NUP93: variants seen among roughly 807,000 people sequenced by gnomAD.
The protein encoded by NUP93 is nuclear pore complex protein Nup93.
Under a neutral mutation model 107.8 loss-of-function variants are expected in NUP93, and 55 were observed. The ratio of observed to expected loss-of-function variants is 0.51; its 90% confidence interval spans 0.41 to 0.64. The LOEUF is 0.64. NUP93 is among the 30% of genes least tolerant of loss of function. The pLI, the probability that NUP93 is intolerant of heterozygous loss-of-function variation, is 0.00. For synonymous variants in NUP93, 390 were observed against 397.5 expected, an observed-to-expected ratio of 0.98 and a Z score of 0.22; for missense variants, 937 against 1,044.7, an observed-to-expected ratio of 0.90 and a Z score of 1.42.
At chr16:56,782,329 T>G (rs1263449146) in intron 3 of NUP93, 18 of 535,202 alleles carry the variant, frequency 3.4e-5, no homozygotes, top group Non-Finnish European at 4.3e-5. Flanking sequence ...TTTGAAAATT[T>G]GAGATAAATT....
chr16:56,788,830 A>G (rs1289968412), intron 3 of NUP93, among the ~76,000 whole-genome samples: 1 of 152,180 alleles, frequency 6.6e-6, no homozygotes, highest in Admixed American at 6.5e-5. Context: ...TTGTGTTGAC[A>G]AGGGAGATGT....
chr16:56,793,177 C>T (rs1413170959), intron 3 of NUP93, among the ~76,000 whole-genome samples: 1 of 152,166 alleles, frequency 6.6e-6, no homozygotes. Context: ...ATTTGAGGAG[C>T]CAGTCAGGCA....
At chr16:56,779,799 C>G (rs373663373) in intron 3 of NUP93, among the ~76,000 whole-genome samples, 1 of 152,178 alleles carries the variant, frequency 6.6e-6, no homozygotes, top group Non-Finnish European at 1.5e-5. Context: ...AACGTCTTAA[C>G]AGTGACTTGG....
At chr16:56,738,023 T>G (rs574427262) in intron 1 of NUP93, among the ~76,000 whole-genome samples, 19 of 152,358 alleles carry the variant, frequency 1.2e-4, no homozygotes, top group African/African-American at 4.6e-4. Flanking sequence ...AAGACAGAAC[T>G]AGTATCATTC....
In NUP93 at chr16:56,830,590, C is replaced by A. The variant is rs201285651; in HGVS notation, c.990C>A (p.Asp330Glu). ...ALIYYCMRCG[D>E]LLAASQVVNR... is the part of the protein sequence containing the mutation. ...TTTACTACTGCATGCGCTGTGGAGA[C>A]CTGCTTGCCGCTTCACAGGTAGTTA... The change falls in exon 10 of 22, where the codon GAC becomes GAA. Residue 330 changes from aspartate (D) to glutamate (E), a missense_variant. By Grantham distance (45) the Asp-to-Glu change is conservative. Transcript: ENST00000308159. 3.8e-5 allele frequency: 62 copies of A among 1,611,102 alleles called. No homozygotes were observed. Among genetic ancestry groups the A allele is most frequent in the Non-Finnish European group, 4.8e-5 (56 of 1,177,492 alleles).
At position 56,788,729 on chromosome 16, in the gene NUP93, C is replaced by T. The variant is rs186289578; in HGVS notation, c.298-9747C>T. On this transcript the variant is annotated intron_variant, in intron 3 of 21. Coordinates refer to ENST00000308159, the MANE Select transcript of NUP93 (RefSeq NM_014669.5). ...GAATGCCCTTAACCTTGGCCTTCCT[C>T]CCCAAGTGCAGCAACAGATGCGCTA... is the stretch of plus-strand genomic sequence containing the variant. Among the ~76,000 whole-genome samples the T allele has an allele frequency of 1.3e-4, 20 of 152,310 alleles. No homozygotes were observed. The East Asian group carries it at 2.9e-3, about 22-fold the overall frequency.
intron 3 of NUP93, among the ~76,000 whole-genome samples, chr16:56,788,810 T>C (rs1200909721): frequency 6.6e-6 from 1 of 152,180 alleles, no homozygotes; most frequent in Non-Finnish European, 1.5e-5. Context: ...CTAGTAGTTA[T>C]GTGCCTACAT....
chr16:56,815,892 GCT>G (rs1963415716), intron 5 of NUP93, among the ~76,000 whole-genome samples: 6 of 138,904 alleles, frequency 4.3e-5, no homozygotes, highest in East Asian at 2.0e-4. Flanking sequence ...TGCTGCTGCT[GCT>G]GCTGGTGCTG....
At chr16:56,824,210 A>C (rs1228380559) in intron 8 of NUP93, among the ~76,000 whole-genome samples, 2 of 152,060 alleles carry the variant, frequency 1.3e-5, no homozygotes, top group African/African-American at 4.8e-5. Context: ...TCCACATTTT[A>C]ATTTTACTCC....
At chr16:56,827,655 A>G (rs563936087) in intron 8 of NUP93, among the ~76,000 whole-genome samples, 44 of 152,356 alleles carry the variant, frequency 2.9e-4, no homozygotes, top group African/African-American at 1.0e-3. Flanking sequence ...ACCTGAATCA[A>G]ATAATGATCC....
chr16:56,837,273 C>T (rs1422632276), intron 17 of NUP93, among the ~76,000 whole-genome samples: 1 of 152,294 alleles, frequency 6.6e-6, no homozygotes, highest in Non-Finnish European at 1.5e-5. Context: ...GACAAAAAAA[C>T]AGCTATAGGC....
At chr16:56,796,774 C>G (rs1191988608) in intron 3 of NUP93, among the ~76,000 whole-genome samples, 2 of 152,022 alleles carry the variant, frequency 1.3e-5, no homozygotes, top group African/African-American at 2.4e-5. Context: ...GTCAGGAGAT[C>G]GAGATCATCC....
At chr16:56,750,887 C>T (rs1961906511) in intron 2 of NUP93, among the ~76,000 whole-genome samples, 3 of 152,172 alleles carry the variant, frequency 2.0e-5, no homozygotes, top group African/African-American at 4.8e-5. Context: ...AGCTGGGTGC[C>T]GTGGCTCATG....
At chr16:56,838,824 C>A in intron 18 of NUP93, 128 bp from the exon 19 acceptor site, 1 of 700,736 alleles carries the variant, frequency 1.4e-6, no homozygotes, top group South Asian at 1.8e-5. Context: ...CCCAGCCTCC[C>A]ATGTAGCTGA....
At chr16:56,792,639 G>A (rs1032350660) in intron 3 of NUP93, among the ~76,000 whole-genome samples, 7 of 152,098 alleles carry the variant, frequency 4.6e-5, no homozygotes, top group African/African-American at 1.7e-4. Context: ...TAAAAATAAG[G>A]GCTAGAACCA....
At chr16:56,827,300 C>A (rs1963688117) in intron 8 of NUP93, among the ~76,000 whole-genome samples, 1 of 152,028 alleles carries the variant, frequency 6.6e-6, no homozygotes, top group Non-Finnish European at 1.5e-5. Flanking sequence ...TTTTAAGAAG[C>A]ATGCTAGCAA....
chr16:56,797,686 T>C (rs1418784663), intron 3 of NUP93, among the ~76,000 whole-genome samples: 3 of 152,238 alleles, frequency 2.0e-5, no homozygotes, highest in Non-Finnish European at 4.4e-5. Flanking sequence ...CTACATGTAT[T>C]GAGCCTTGGG....
chr16:56,811,052 T>C (rs1963305028), intron 5 of NUP93, among the ~76,000 whole-genome samples: 1 of 152,240 alleles, frequency 6.6e-6, no homozygotes, highest in South Asian at 2.1e-4. Context: ...TCCAGTTCTT[T>C]TATAAATAGT....
chr16:56,827,475 A>G (rs1160453521), intron 8 of NUP93, among the ~76,000 whole-genome samples: 2 of 152,238 alleles, frequency 1.3e-5, no homozygotes, highest in Non-Finnish European at 2.9e-5. Flanking sequence ...CTACTTATTA[A>G]GTACAAAGAG....
Sources: gnomAD v4.1 joint callset for allele counts (sites outside exome capture counted in the v4.1 genomes callset) on GRCh38, gnomAD v4.1.1 for gene constraint, MANE v1.5 for transcripts, NCBI Gene and HGNC (gene_info 2026-07-23, HGNC 2026-07-21) for gene names.